PIEZO2: variants seen among roughly 807,000 people sequenced by gnomAD.
PIEZO2 encodes piezo type mechanosensitive ion channel component 2.
In PIEZO2, 172 loss-of-function variants were observed where a neutral mutation model predicts 337.3. That is an observed-to-expected ratio of 0.51 (90% CI 0.45 to 0.58). The LOEUF is 0.58. Among genes scored for constraint, PIEZO2 ranks in the 20% least tolerant of loss-of-function variants. The pLI is 0.00. For missense variants in PIEZO2, 3,028 were observed against 3,391.3 expected, an observed-to-expected ratio of 0.89 and a Z score of 2.66; for synonymous variants, 1,251 against 1,228.5, an observed-to-expected ratio of 1.02 and a Z score of -0.38.
At chr18:10,735,819 G>A (rs567440794) in intron 34 of PIEZO2, among the ~76,000 whole-genome samples, 3 of 152,270 alleles carry the variant, frequency 2.0e-5, no homozygotes, top group South Asian at 2.1e-4. Flanking sequence ...AACTGACGAA[G>A]GCCTTATCAC....
rs1025575965 is a variant in PIEZO2, at chr18:10,834,621, G to A, written c.917+20732C>T. Among the ~76,000 whole-genome samples the A allele has an allele frequency of 6.6e-6, 1 of 152,140 alleles. No individual in the cohort carries two copies. Among genetic ancestry groups the A allele is most frequent in the Non-Finnish European group, 1.5e-5 (1 of 68,042 alleles). On this transcript the variant is annotated intron_variant, in intron 7 of 55. Transcript: ENST00000674853. This position sits in a 1 kb window ranked among gnomAD's most constrained non-coding sequence, Gnocchi z 4.5. ...TGTTTTAACACCTCTCTGATTTCAT[G>A]AGGTAGGTATCATGTAAGCAACTGT... is the stretch of plus-strand genomic sequence containing the variant.
chr18:10,826,163 A>G (rs953615296), intron 7 of PIEZO2, among the ~76,000 whole-genome samples: 3 of 152,180 alleles, frequency 2.0e-5, no homozygotes, highest in Non-Finnish European at 4.4e-5. Context: ...GGAGAGTGGT[A>G]TTTAGAAACC....
At position 10,789,276 on chromosome 18, in the gene PIEZO2, C is replaced by T; in HGVS notation, c.1972G>A (p.Val658Ile). 2 of 1,537,348 alleles carry T rather than the reference C, an allele frequency of 1.3e-6. No individual in the cohort carries two copies. Among genetic ancestry groups the T allele is most frequent in the Non-Finnish European group, 1.7e-6 (2 of 1,146,930 alleles). ...AKEEKQERKK[V>I]EQEEAEEEDE... ...TCTTCTTCAGCTTCCTCTTGCTCTACCTTCTTTCTCTCTTGCTTCTCTTCC... is the reference window on the plus strand; with the variant it reads ...TCTTCTTCAGCTTCCTCTTGCTCTATCTTCTTTCTCTCTTGCTTCTCTTCC... The change falls in exon 15 of 56, where the codon GTA becomes ATA. Residue 658 changes from valine to isoleucine, a missense_variant. Coordinates refer to ENST00000674853, the MANE Select transcript of PIEZO2 (RefSeq NM_001378183.1).
intron 2 of PIEZO2, among the ~76,000 whole-genome samples, chr18:11,004,749 CT>C (rs2035662108): frequency 6.6e-6 from 1 of 152,148 alleles, no homozygotes. Flanking sequence ...AAAAAGCATC[CT>C]ACAAAAATGT....
In PIEZO2 at chr18:11,032,686, CAGT is replaced by C. The variant is rs563245260; in HGVS notation, c.160+33438_160+33440del. 8.0e-4 allele frequency among the ~76,000 whole-genome samples: 122 copies of C among 152,358 alleles called. No individual in the cohort carries two copies. Among genetic ancestry groups the C allele is most frequent in the African/African-American group, 2.8e-3 (116 of 41,594 alleles). ...TTCAGTTTTAAAATGTTACTGTTCACAGTAGCAGAAATCTCTCTATGCATGTGT... is the reference window on the plus strand; with the variant it reads ...TTCAGTTTTAAAATGTTACTGTTCACAGCAGAAATCTCTCTATGCATGTGT... On this transcript the variant is annotated intron_variant, in intron 2 of 55. Coordinates refer to ENST00000674853, the MANE Select transcript of PIEZO2 (RefSeq NM_001378183.1). This position sits in a 1 kb window ranked among gnomAD's most constrained non-coding sequence, Gnocchi z 4.9.
rs1425168230 is a variant in PIEZO2, at chr18:10,677,045, GC to G, written c.8081+701del. Among the ~76,000 whole-genome samples the G allele has an allele frequency of 2.0e-5, 3 of 152,112 alleles. No individual in the cohort carries two copies. The highest frequency in any genetic ancestry group is 7.2e-5 in the African/African-American group (3 of 41,414). On this transcript the variant is annotated intron_variant, in intron 53 of 55. Transcript: ENST00000674853. The surrounding 1 kb of genome is among the most constrained non-coding windows in gnomAD (Gnocchi z 4.1). ...GAATCAGCATGATGATTTCTAGTGTGCCCCAAAATGGGTCCCAATAGCTGAG... is the reference window on the plus strand; with the variant it reads ...GAATCAGCATGATGATTTCTAGTGTGCCCAAAATGGGTCCCAATAGCTGAG...
chr18:10,742,659 T>C (rs1324577677), intron 31 of PIEZO2, 44 bp from the exon 32 acceptor site: 29 of 1,532,560 alleles, frequency 1.9e-5, no homozygotes, highest in Non-Finnish European at 2.4e-5. Context: ...ACATATTCAT[T>C]GTTCTCATGT....
chr18:10,691,782 C>CACACATATATATATATAT, intron 47 of PIEZO2, among the ~76,000 whole-genome samples: 2 of 96,616 alleles, frequency 2.1e-5, no homozygotes, highest in African/African-American at 9.3e-5. Flanking sequence ...CACACACACA[C>CACACATATATATATATAT]ATATATATAT....
rs971834725 is a variant in PIEZO2 at position 10,716,667 on chromosome 18, C to G, written c.5090-851G>C. ...TTTCCCTCTCCGCCCCTCCTCACAT[C>G]CTTTATAAAATCTCAAGCAAGGTAT... On this transcript the variant is annotated intron_variant, in intron 37 of 55. Coordinates refer to ENST00000674853, the MANE Select transcript of PIEZO2 (RefSeq NM_001378183.1). This position sits in a 1 kb window ranked among gnomAD's most constrained non-coding sequence, Gnocchi z 4.1. Among the ~76,000 whole-genome samples, 2 of 152,154 alleles carry G rather than the reference C, an allele frequency of 1.3e-5. No individual in the cohort carries two copies. The highest frequency in any genetic ancestry group is 1.3e-4 in the Admixed American group (2 of 15,282).
intron 36 of PIEZO2, among the ~76,000 whole-genome samples, chr18:10,722,084 G>T (rs1484265205): frequency 6.6e-6 from 1 of 151,044 alleles, no homozygotes; most frequent in Non-Finnish European, 1.5e-5. Context: ...TCGGGAGACG[G>T]AGGTTGCAAT....
rs1321416164 is a variant in PIEZO2 at position 11,110,970 on chromosome 18, A to G, written c.64+37555T>C. ...CATGTGGTCTGCGTCAGAGTCCACC[A>G]TGAGAGCCACTGCAGGGCTTCGGAA... On this transcript the variant is annotated intron_variant, in intron 1 of 55. Coordinates refer to ENST00000674853, the MANE Select transcript of PIEZO2 (RefSeq NM_001378183.1). This position sits in a 1 kb window ranked among gnomAD's most constrained non-coding sequence, Gnocchi z 4.2. Among the ~76,000 whole-genome samples the G allele has an allele frequency of 1.3e-5, 2 of 152,184 alleles. No individual in the cohort carries two copies. The highest frequency in any genetic ancestry group is 6.5e-5 in the Admixed American group (1 of 15,292).
intron 3 of PIEZO2, among the ~76,000 whole-genome samples, chr18:10,923,911 C>G (rs912796589): frequency 1.3e-5 from 2 of 152,146 alleles, no homozygotes; most frequent in Admixed American, 6.5e-5. Flanking sequence ...GTCAAGGCAT[C>G]TCTAAAATGA....
At chr18:11,065,247 AAG>A (rs1277108658) in intron 2 of PIEZO2, among the ~76,000 whole-genome samples, 1 of 152,252 alleles carries the variant, frequency 6.6e-6, no homozygotes, top group African/African-American at 2.4e-5. Context: ...GATCACTAAC[AAG>A]GAAATCACCA....
chr18:11,015,720 C>A (rs983177), intron 2 of PIEZO2, among the ~76,000 whole-genome samples: 22 of 151,916 alleles, frequency 1.4e-4, no homozygotes, highest in African/African-American at 5.3e-4. Flanking sequence ...AGAACAGGAA[C>A]GACTCTTGCA....
At chr18:10,886,116 A>T in intron 4 of PIEZO2, among the ~76,000 whole-genome samples, 1 of 150,744 alleles carries the variant, frequency 6.6e-6, no homozygotes, top group East Asian at 2.0e-4. Flanking sequence ...AAGTGTGGTG[A>T]ACCAAGCAAG....
At chr18:11,057,112 G>C (rs887763073) in intron 2 of PIEZO2, among the ~76,000 whole-genome samples, 1 of 151,828 alleles carries the variant, frequency 6.6e-6, no homozygotes, top group African/African-American at 2.4e-5. Context: ...GTTGCACAGA[G>C]TGCCATTTCT....
At chr18:11,058,078 C>T (rs2037795676) in intron 2 of PIEZO2, among the ~76,000 whole-genome samples, 2 of 152,266 alleles carry the variant, frequency 1.3e-5, no homozygotes, top group African/African-American at 4.8e-5. Context: ...CCCCGGTCTA[C>T]AGAACAGTAG....
intron 3 of PIEZO2, among the ~76,000 whole-genome samples, chr18:10,930,406 G>A (rs2032007740): frequency 6.6e-6 from 1 of 152,296 alleles, no homozygotes; most frequent in Non-Finnish European, 1.5e-5. Flanking sequence ...TGCCAATCAG[G>A]AAATCTTTAA....
intron 3 of PIEZO2, among the ~76,000 whole-genome samples, chr18:10,963,251 C>T (rs264198): frequency 0.51 from 76,998 of 151,398 alleles, 19,861 homozygotes; most frequent in African/African-American, 0.56. Flanking sequence ...CGCCACTGCA[C>T]TCCAGCCAGA....
Sources: gnomAD v4.1 joint callset for allele counts (sites outside exome capture counted in the v4.1 genomes callset) on GRCh38, gnomAD v4.1.1 for gene constraint, Gnocchi (gnomAD v3.1) non-coding constraint, MANE v1.5 for transcripts, NCBI Gene and HGNC (gene_info 2026-07-23, HGNC 2026-07-21) for gene names.